Variants in TMPRSS15 observed in about 807,000 individuals in gnomAD.
The protein encoded by TMPRSS15 is enteropeptidase.
Under a neutral mutation model 125.3 loss-of-function variants are expected in TMPRSS15, and 128 were observed. The ratio of observed to expected loss-of-function variants is 1.02; its 90% CI spans 0.89 to 1.18. The LOEUF (loss-of-function observed/expected upper bound fraction) is 1.18. Among genes scored for constraint, TMPRSS15 ranks in the 50% most tolerant of loss-of-function variants. TMPRSS15 has a pLI of 0.00. For synonymous variants in TMPRSS15, 446 were observed against 423.2 expected, an observed-to-expected ratio of 1.05 and a Z score of -0.66; for missense variants, 1,283 against 1,212.7, an observed-to-expected ratio of 1.06 and a Z score of -0.86.
At chr21:18,362,852 T>C in intron 7 of TMPRSS15, among the ~76,000 whole-genome samples, 1 of 152,126 alleles carries the variant, frequency 6.6e-6, no homozygotes, top group East Asian at 1.9e-4. Flanking sequence ...CTCATTTGCC[T>C]GAGATCACAC....
At chr21:18,462,596 A>C (rs1029782134) in intron 1 of TMPRSS15, among the ~76,000 whole-genome samples, 5 of 152,154 alleles carry the variant, frequency 3.3e-5, no homozygotes, top group African/African-American at 1.2e-4. Context: ...AGCAGACTTT[A>C]TTAAAAGTAT....
intron 1 of TMPRSS15, among the ~76,000 whole-genome samples, chr21:18,427,059 A>C (rs1000101519): frequency 6.6e-6 from 1 of 152,202 alleles, no homozygotes; most frequent in Non-Finnish European, 1.5e-5. Flanking sequence ...AGCCCATTTC[A>C]TTGTAATTAA....
upstream of TMPRSS15, among the ~76,000 whole-genome samples, chr21:18,405,767 T>C (rs1045095868): frequency 6.6e-6 from 1 of 152,094 alleles, no homozygotes; most frequent in Non-Finnish European, 1.5e-5. Flanking sequence ...TAAGCATATA[T>C]AAAAAGCACG....
chr21:18,292,066 A>G (rs2074843253), intron 21 of TMPRSS15, among the ~76,000 whole-genome samples: 1 of 152,236 alleles, frequency 6.6e-6, no homozygotes, highest in African/African-American at 2.4e-5. Context: ...CATTCCTACA[A>G]TGGAAAGTCC....
At chr21:18,327,389 G>C (rs2075302833) in intron 15 of TMPRSS15, among the ~76,000 whole-genome samples, 1 of 152,084 alleles carries the variant, frequency 6.6e-6, no homozygotes, top group African/African-American at 2.4e-5. Context: ...GTGTATAAAA[G>C]AACCAAATTT....
At chr21:18,384,550 A>C (rs901868734) in intron 3 of TMPRSS15, among the ~76,000 whole-genome samples, 1 of 152,190 alleles carries the variant, frequency 6.6e-6, no homozygotes, top group Non-Finnish European at 1.5e-5. Context: ...AAAGAGAAAA[A>C]TGAATAAATT....
intron 6 of TMPRSS15, among the ~76,000 whole-genome samples, chr21:18,366,909 T>C (rs1441085891): frequency 6.6e-6 from 1 of 152,060 alleles, no homozygotes; most frequent in South Asian, 2.1e-4. Context: ...AATTACATAA[T>C]ACAAGCTATT....
chr21:18,353,835 T>C lies in TMPRSS15; in HGVS notation c.909A>G (p.Thr303=). ...TAACTTGGTTGGAAAAAATTCTTATTGTGCCAGGATTAGTTTCCCAAATAG... is the reference window on the plus strand; with the variant it reads ...TAACTTGGTTGGAAAAAATTCTTATCGTGCCAGGATTAGTTTCCCAAATAG... ...RASIWETNPG[T]IRIFSNQVTA... is the part of the protein sequence containing the mutation. Residue 303 remains threonine (T), a synonymous_variant, in exon 9 of 25, where the codon ACA becomes ACG. Coordinates refer to ENST00000284885, the MANE Select transcript of TMPRSS15 (RefSeq NM_002772.3). The C allele has an allele frequency of 6.2e-7, 1 of 1,611,534 alleles. No homozygotes were observed. The highest frequency in any genetic ancestry group is 8.5e-7 in the Non-Finnish European group (1 of 1,178,216).
chr21:18,276,395 A>G (rs942434713), intron 23 of TMPRSS15, among the ~76,000 whole-genome samples: 2 of 152,232 alleles, frequency 1.3e-5, no homozygotes, highest in Non-Finnish European at 2.9e-5. Flanking sequence ...TGGAGTAAAC[A>G]TTACTAGATA....
chr21:18,314,995 A>C, intron 17 of TMPRSS15, 151 bp downstream of exon 17: 1 of 698,674 alleles, frequency 1.4e-6, no homozygotes, highest in Non-Finnish European at 2.6e-6. Context: ...ATGGGGACAG[A>C]GGTGCTAAAA....
In TMPRSS15 at chr21:18,379,317, G is replaced by C. The variant is rs1337821980; in HGVS notation, c.498C>G (p.Asp166Glu). ...CCAGATGACTGGTGGTTGTTAGCTT[G>C]TCTGAAAAATAAATTATATTAAAAT... ...HIDLNSVDIL[D>E]KLTTTSHLAT... is the part of the protein sequence containing the mutation. The change falls in exon 5 of 25, where the codon GAC (aspartate) becomes GAG (glutamate). Residue 166 changes from aspartate to glutamate, a missense_variant and splice_region_variant. Physicochemically the swap from Asp to Glu is conservative, Grantham distance 45 (BLOSUM62 2). Transcript: ENST00000284885. 12 of 1,302,894 alleles carry C rather than the reference G, an allele frequency of 9.2e-6. No homozygotes were observed. In the Admixed American group the frequency reaches 3.2e-4, roughly 34 times the overall value. 80.7% of individuals were successfully genotyped at this position (1,302,894 alleles called of 1,614,324 possible). A position where few individuals can be genotyped will look rare whatever the true frequency, so the allele number is the denominator to read the frequency against.
At chr21:18,466,747 A>T (rs1185176172) in intron 1 of TMPRSS15, among the ~76,000 whole-genome samples, 1 of 152,202 alleles carries the variant, frequency 6.6e-6, no homozygotes, top group African/African-American at 2.4e-5. Context: ...TGATCATTAA[A>T]GTCAGGAAAC....
At chr21:18,359,476 G>C (rs533305473) in intron 8 of TMPRSS15, among the ~76,000 whole-genome samples, 3 of 152,164 alleles carry the variant, frequency 2.0e-5, no homozygotes, top group African/African-American at 7.2e-5. Flanking sequence ...TTTAAACAAT[G>C]TATGGTAACC....
At chr21:18,445,249 G>C (rs1279606485) in intron 1 of TMPRSS15, among the ~76,000 whole-genome samples, 1 of 147,734 alleles carries the variant, frequency 6.8e-6, no homozygotes, top group East Asian at 2.0e-4. Context: ...TTGTTGCCCA[G>C]ACTGGAGTGC....
At chr21:18,385,751 C>CTT (rs897483467) in intron 3 of TMPRSS15, among the ~76,000 whole-genome samples, 1 of 147,248 alleles carries the variant, frequency 6.8e-6, no homozygotes, top group East Asian at 2.0e-4. Context: ...ATAATAAACA[C>CTT]TTTTTTTTTT....
intron 1 of TMPRSS15, among the ~76,000 whole-genome samples, chr21:18,468,560 CCTT>C (rs1430442316): frequency 1.3e-5 from 2 of 151,980 alleles, no homozygotes; most frequent in Non-Finnish European, 2.9e-5. Context: ...AAAAGTTTTG[CCTT>C]TTTTTATTTG....
At chr21:18,276,918 G>A (rs1358381310) in intron 23 of TMPRSS15, among the ~76,000 whole-genome samples, 2 of 151,534 alleles carry the variant, frequency 1.3e-5, no homozygotes, top group African/African-American at 2.4e-5. Flanking sequence ...GTACCACCAC[G>A]CCTGGCTAAT....
intron 5 of TMPRSS15, among the ~76,000 whole-genome samples, chr21:18,375,445 T>C (rs533427328): frequency 2.6e-5 from 4 of 152,314 alleles, no homozygotes; most frequent in South Asian, 2.1e-4. Flanking sequence ...TTTCTTTTTT[T>C]CTAAGAAGTC....
chr21:18,368,362 C>T (rs1197402150), intron 6 of TMPRSS15, among the ~76,000 whole-genome samples: 1 of 152,204 alleles, frequency 6.6e-6, no homozygotes, highest in Admixed American at 6.5e-5. Context: ...CTACACTTCC[C>T]CAAATCCCTT....
Sources: allele counts gnomAD v4.1 joint callset (sites outside exome capture counted in the v4.1 genomes callset), GRCh38; gene constraint gnomAD v4.1.1; transcripts MANE v1.5; gene names NCBI Gene and HGNC (gene_info 2026-07-23, HGNC 2026-07-21).